Variants in ZFHX3 observed in about 807,000 individuals in gnomAD.
The protein encoded by ZFHX3 is zinc finger homeobox 3, also known as zinc finger homeobox protein 3.
A neutral mutation model predicts 279.1 loss-of-function variants in ZFHX3; 42 were observed. That is an observed-to-expected ratio of 0.15 (90% CI 0.12 to 0.19). ZFHX3 has a LOEUF of 0.19. Among genes scored for constraint, ZFHX3 ranks in the 10% least tolerant of loss-of-function variants. ZFHX3 has a pLI of 1.00. For synonymous variants in ZFHX3, 2,293 were observed against 1,957.8 expected, an observed-to-expected ratio of 1.17 and a Z score of -4.52; for missense variants, 4,981 against 4,754.0, an observed-to-expected ratio of 1.05 and a Z score of -1.40.
At chr16:73,448,316 C>A (rs537104898) in intron 3 of ZFHX3, among the ~76,000 whole-genome samples, 4 of 151,980 alleles carry the variant, frequency 2.6e-5, no homozygotes, top group Admixed American at 6.6e-5. Context: ...AGTACTATGC[C>A]GTAGAATAGT....
chr16:73,240,078 A>T (rs1279347603), intron 5 of ZFHX3, among the ~76,000 whole-genome samples: 1 of 151,918 alleles, frequency 6.6e-6, no homozygotes, highest in Non-Finnish European at 1.5e-5. Context: ...GTTACTTAAC[A>T]TTGAACTCAT....
chr16:73,847,716 A>G (rs1001288158), intron 1 of ZFHX3, among the ~76,000 whole-genome samples: 5 of 151,660 alleles, frequency 3.3e-5, no homozygotes, highest in Non-Finnish European at 4.4e-5. Flanking sequence ...AGTGTCTAGT[A>G]TATAGCAAGT....
At chr16:72,986,897 G>T (rs1259273778) in intron 1 of ZFHX3, among the ~76,000 whole-genome samples, 2 of 152,124 alleles carry the variant, frequency 1.3e-5, no homozygotes, top group Non-Finnish European at 2.9e-5. Flanking sequence ...TGTAATTCCA[G>T]AACTTTTGGA....
At chr16:73,247,933 T>C (rs1485290161) in intron 5 of ZFHX3, among the ~76,000 whole-genome samples, 4 of 151,778 alleles carry the variant, frequency 2.6e-5, no homozygotes, top group Admixed American at 2.6e-4. Context: ...ATGTGGAGTG[T>C]GTGTGTTCGT....
chr16:73,802,772 T>G (rs1960178933), intron 1 of ZFHX3, among the ~76,000 whole-genome samples: 1 of 152,176 alleles, frequency 6.6e-6, no homozygotes, highest in South Asian at 2.1e-4. Flanking sequence ...AGGTATATAT[T>G]ATATTTTATA....
chr16:73,534,545 C>T (rs2019860843), intron 2 of ZFHX3, among the ~76,000 whole-genome samples: 1 of 152,174 alleles, frequency 6.6e-6, no homozygotes, highest in African/African-American at 2.4e-5. Context: ...CTCTATTTTG[C>T]TCACTGATAG....
intron 2 of ZFHX3, among the ~76,000 whole-genome samples, chr16:73,559,044 TTGTGTGTG>T (rs375638006): frequency 1.3e-5 from 2 of 149,374 alleles, no homozygotes; most frequent in African/African-American, 4.9e-5. Context: ...ACTCCTCTTT[TTGTGTGTG>T]TGTGTGTGTG....
At chr16:73,471,435 T>C (rs1027766757) in intron 2 of ZFHX3, among the ~76,000 whole-genome samples, 4 of 151,990 alleles carry the variant, frequency 2.6e-5, no homozygotes, top group African/African-American at 9.7e-5. Flanking sequence ...TTAGACAGAA[T>C]TTCACTCTTG....
In ZFHX3 at chr16:73,190,916, T is replaced by G. The variant is rs1229148336; in HGVS notation, c.-1103-47085A>C. On this transcript the variant is annotated intron_variant, in intron 5 of 17. Transcript: ENST00000641206. ...ACCAGGGTGAAGAGGGACTGGATTT[T>G]TTTTTTTTTGTAAATTGCCGGAATT... 1.9e-4 allele frequency among the ~76,000 whole-genome samples: 29 copies of G among 151,208 alleles called. 1 individual carries two copies. The highest frequency in any genetic ancestry group is 1.3e-3 in the Admixed American group (20 of 15,202).
At chr16:73,679,564 A>C (rs1013480448) in intron 2 of ZFHX3, 1 of 152,170 alleles carries the variant, frequency 6.6e-6, no homozygotes, top group African/African-American at 2.4e-5. Flanking sequence ...AAAAACTCAT[A>C]GTACAATTTT....
intron 1 of ZFHX3, among the ~76,000 whole-genome samples, chr16:72,984,041 G>A (rs552119512): frequency 9.2e-4 from 140 of 152,260 alleles, no homozygotes; most frequent in Non-Finnish European, 1.8e-3. Context: ...CCCATGGGTG[G>A]GAATCTCATA....
At chr16:73,014,400 C>G (rs1008367014) in intron 1 of ZFHX3, 2 of 151,712 alleles carry the variant, frequency 1.3e-5, no homozygotes, top group African/African-American at 4.9e-5. Flanking sequence ...TCTATGCACA[C>G]ATCGCAGTTT....
intron 2 of ZFHX3, among the ~76,000 whole-genome samples, chr16:73,508,100 G>T (rs2019359597): frequency 6.6e-6 from 1 of 152,118 alleles, no homozygotes; most frequent in South Asian, 2.1e-4. Flanking sequence ...AATCTGCGTG[G>T]CACTCCAGGA....
At position 73,849,460 on chromosome 16, in the gene ZFHX3, C is replaced by T. The variant is rs568751926; in HGVS notation, c.-1608+42191G>A. ...CTGGAAGGTATGATTTCTATTTTTT[C>T]CTGTAAGTGATCGATTATACAATTT... is the stretch of plus-strand genomic sequence containing the variant. On this transcript the variant is annotated intron_variant, in intron 1 of 17. Coordinates refer to the ZFHX3 transcript ENST00000641206. 3.3e-5 allele frequency among the ~76,000 whole-genome samples: 5 copies of T among 152,200 alleles called. No homozygotes were observed. The East Asian group carries it at 9.7e-4, about 29-fold the overall frequency.
chr16:73,031,286 G>A (rs1158839343), intron 1 of ZFHX3, among the ~76,000 whole-genome samples: 1 of 152,152 alleles, frequency 6.6e-6, no homozygotes, highest in Non-Finnish European at 1.5e-5. Flanking sequence ...CGGCGGGGGG[G>A]GAAGTAAACA....
intron 2 of ZFHX3, among the ~76,000 whole-genome samples, chr16:73,489,516 T>C (rs929186097): frequency 6.6e-6 from 1 of 152,204 alleles, no homozygotes; most frequent in African/African-American, 2.4e-5. Flanking sequence ...GCAATTAACA[T>C]CATACACTCT....
intron 8 of ZFHX3, among the ~76,000 whole-genome samples, chr16:73,089,318 G>A (rs1453478916): frequency 6.6e-6 from 1 of 152,104 alleles, no homozygotes; most frequent in Non-Finnish European, 1.5e-5. Context: ...TGGCCAGGCT[G>A]GCCTCAAACT....
At position 72,907,385 on chromosome 16, in the gene ZFHX3, A is replaced by G. The variant is rs148833063; in HGVS notation, c.3217-17423T>C. 3.7e-3 allele frequency among the ~76,000 whole-genome samples: 556 copies of G among 152,068 alleles called. 2 individuals are homozygous for G. The highest frequency in any genetic ancestry group is 0.014 in the Middle Eastern group (4 of 294). ...CCTCACGCTCTAATCTCTCCCCAAA[A>G]TGAGTGTTCATCAATCACCTCTAAA... is the stretch of plus-strand genomic sequence containing the variant. On this transcript the variant is annotated intron_variant, in intron 3 of 9. Coordinates refer to ENST00000268489, the MANE Select transcript of ZFHX3 (RefSeq NM_006885.4).
intron 1 of ZFHX3, among the ~76,000 whole-genome samples, chr16:73,786,765 C>A (rs1295667348): frequency 3.9e-5 from 6 of 152,098 alleles, no homozygotes. Flanking sequence ...GGAAAGAGGT[C>A]TTTGCTTAGA....
Sources: allele counts gnomAD v4.1 joint callset (sites outside exome capture counted in the v4.1 genomes callset), GRCh38; gene constraint gnomAD v4.1.1; transcripts MANE v1.5; gene names NCBI Gene and HGNC (gene_info 2026-07-23, HGNC 2026-07-21).